Variants in GSTA5 observed in about 807,000 individuals in gnomAD.
GSTA5 encodes glutathione S-transferase alpha 5, also known as glutathione S-transferase A5.
In GSTA5, 25 loss-of-function variants were observed where a neutral mutation model predicts 21.8. The ratio of observed to expected loss-of-function variants is 1.14; its 90% CI spans 0.83 to 1.60. The LOEUF (loss-of-function observed/expected upper bound fraction) is 1.60. GSTA5 is among the 40% of genes most tolerant of loss of function. GSTA5 has a pLI of 0.00. For synonymous variants in GSTA5, 102 were observed against 89.5 expected (o/e 1.14, Z -0.78); for missense variants, 330 against 259.2 (o/e 1.27, Z -1.88).
At chr6:52,832,946 C>T (rs776903779) in exon 5 of GSTA5, 28 of 1,613,986 alleles carry the variant, frequency 1.7e-5, no homozygotes, top group Non-Finnish European at 2.3e-5. Context: ...CAGCCCAGCT[C>T]AGCTTGTTGC....
chr6:52,834,220 C>T, exon 4 of GSTA5: 4 of 1,613,870 alleles, frequency 2.5e-6, no homozygotes, highest in Non-Finnish European at 1.7e-6. Flanking sequence ...CTCTGGTTGA[C>T]ATATGAGCAG....
chr6:52,836,325 G>T (rs765250714), exon 3 of GSTA5: 6 of 1,613,158 alleles, frequency 3.7e-6, no homozygotes, highest in African/African-American at 1.3e-5. Flanking sequence ...GCTTCATCCC[G>T]TCAATCTCAA....
At chr6:52,832,081 T>A in intron 5 of GSTA5, 111 bp from the exon 6 acceptor site, 3 of 1,454,108 alleles carry the variant, frequency 2.1e-6, no homozygotes, top group South Asian at 1.5e-5. Context: ...GTCCCCTCCA[T>A]GAGTACCAGC....
intron 5 of GSTA5, 45 bp downstream of exon 5, chr6:52,832,814 T>C: frequency 6.2e-7 from 1 of 1,611,998 alleles, no homozygotes; most frequent in East Asian, 2.2e-5. Flanking sequence ...GAGATCCCAA[T>C]ATAAGAGATG....
rs753852834 is a variant in GSTA5 at position 52,836,371 on chromosome 6, TAGAA to T, written c.140-7_140-4del. The stretch of plus-strand genomic sequence containing the variant: ...TTGCTGGAACAGCAAACTCCCATCT[TAGAA>T]AGAAGAAAAAAAAAGGAGTATGAAG... On this transcript the variant is annotated splice_polypyrimidine_tract_variant and splice_region_variant and intron_variant, in intron 2 of 5. Transcript: ENST00000370989. The T allele has an allele frequency of 1.2e-6, 2 of 1,613,170 alleles. No individual in the cohort carries two copies. Among genetic ancestry groups the T allele is most frequent in the African/African-American group, 1.3e-5 (1 of 74,934 alleles).
chr6:52,839,534 G>GTACC (rs2127324947), intron 1 of GSTA5, among the ~76,000 whole-genome samples: 1 of 152,288 alleles, frequency 6.6e-6, no homozygotes, highest in African/African-American at 2.4e-5. Context: ...AACGCACAAA[G>GTACC]TACCGTTCCG....
At chr6:52,833,373 A>G (rs865940569) in intron 4 of GSTA5, among the ~76,000 whole-genome samples, 22 of 151,870 alleles carry the variant, frequency 1.4e-4, no homozygotes, top group South Asian at 6.3e-4. Flanking sequence ...TCCCTCTCCA[A>G]TCTCCCTTGG....
At chr6:52,838,815 A>G (rs1764326824) in intron 1 of GSTA5, among the ~76,000 whole-genome samples, 1 of 152,230 alleles carries the variant, frequency 6.6e-6, no homozygotes, top group Admixed American at 6.5e-5. Context: ...AAAATCTTCA[A>G]GCCTTAGATT....
chr6:52,834,366 C>A (rs1284464613), intron 3 of GSTA5, 84 bp from the exon 4 acceptor site: 1 of 1,365,878 alleles, frequency 7.3e-7, no homozygotes. Context: ...AATAGAGGGT[C>A]AGATGGTGGC....
At chr6:52,836,767 C>T (rs1764299854) in intron 2 of GSTA5, among the ~76,000 whole-genome samples, 1 of 152,234 alleles carries the variant, frequency 6.6e-6, no homozygotes, top group African/African-American at 2.4e-5. Flanking sequence ...CCGCCTCAGC[C>T]TCTCGAAGAG....
At chr6:52,845,471 G>A (rs1234909849), upstream of GSTA5, among the ~76,000 whole-genome samples, 2 of 152,118 alleles carry the variant, frequency 1.3e-5, no homozygotes, top group Admixed American at 6.6e-5. Flanking sequence ...AGTTCAAAGG[G>A]CATCAACAGT....
upstream of GSTA5, among the ~76,000 whole-genome samples, chr6:52,843,728 G>A (rs1326478239): frequency 6.6e-6 from 1 of 152,226 alleles, no homozygotes; most frequent in Non-Finnish European, 1.5e-5. Flanking sequence ...AAGAAAGGGA[G>A]AGTGAAGTTC....
intron 4 of GSTA5, 78 bp downstream of exon 4, chr6:52,834,063 G>A (rs1581815084): frequency 1.6e-5 from 24 of 1,493,304 alleles, no homozygotes; most frequent in Non-Finnish European, 2.2e-5. Flanking sequence ...AAGGTCAGTG[G>A]CCCCAGGAAT....
chr6:52,838,678 G>A (rs1407714976), intron 1 of GSTA5, among the ~76,000 whole-genome samples: 3 of 152,122 alleles, frequency 2.0e-5, no homozygotes, highest in African/African-American at 7.2e-5. Context: ...ACTTAAATAG[G>A]CAGAATCTAT....
At chr6:52,836,196 T>C in intron 3 of GSTA5, 40 bp downstream of exon 3, 2 of 1,607,398 alleles carry the variant, frequency 1.2e-6, no homozygotes, top group Middle Eastern at 2.2e-4. Context: ...TAAATCACTC[T>C]GTGTTCTCTG....
At chr6:52,833,070 C>T (rs1764240630) in intron 4 of GSTA5, 80 bp from the exon 5 acceptor site, 2 of 1,538,818 alleles carry the variant, frequency 1.3e-6, no homozygotes, top group African/African-American at 2.7e-5. Context: ...CCTCTCCACC[C>T]TGACTTTTCC....
At chr6:52,844,808 T>TG (rs1305580611), upstream of GSTA5, among the ~76,000 whole-genome samples, 4 of 152,328 alleles carry the variant, frequency 2.6e-5, no homozygotes, top group East Asian at 7.7e-4. Context: ...GCTTGGAAGA[T>TG]GGGTGAGTCT....
chr6:52,838,443 G>A (rs879876472), intron 1 of GSTA5, among the ~76,000 whole-genome samples: 3 of 152,314 alleles, frequency 2.0e-5, no homozygotes, highest in South Asian at 4.1e-4. Flanking sequence ...TATAGTAACT[G>A]CTCGTTAAAT....
exon 4 of GSTA5, chr6:52,834,144 T>C (rs751541763): frequency 1.2e-6 from 2 of 1,614,174 alleles, no homozygotes; most frequent in African/African-American, 1.3e-5. Context: ...CACTTACTTT[T>C]TCAAAGGCAG....
Sources: gnomAD v4.1 joint callset for allele counts (sites outside exome capture counted in the v4.1 genomes callset) on GRCh38, gnomAD v4.1.1 for gene constraint, MANE v1.5 for transcripts, NCBI Gene and HGNC (gene_info 2026-07-23, HGNC 2026-07-21) for gene names.